Variants in NEGR1 observed in about 807,000 individuals in gnomAD.
The protein encoded by NEGR1 is IgLON family member 4.
In NEGR1, 10 loss-of-function variants were observed where a neutral mutation model predicts 40.9. That is an observed-to-expected ratio of 0.24 (90% CI 0.15 to 0.42). The LOEUF (loss-of-function observed/expected upper bound fraction) is 0.42. Among genes scored for constraint, NEGR1 ranks in the 10% least tolerant of loss-of-function variants. The probability of loss-of-function intolerance (pLI) is 1.00; values close to 1 mark genes in which losing one functional copy is unlikely to be tolerated. For missense variants in NEGR1, 352 were observed against 438.9 expected (o/e 0.80, Z 1.77); for synonymous variants, 185 against 166.8 (o/e 1.11, Z -0.84).
At chr1:71,907,593 A>G (rs1486189299) in intron 2 of NEGR1, among the ~76,000 whole-genome samples, 1 of 152,136 alleles carries the variant, frequency 6.6e-6, no homozygotes, top group Non-Finnish European at 1.5e-5. Flanking sequence ...TGTGGAAAGC[A>G]CTTTGGAAAT....
intron 1 of NEGR1, among the ~76,000 whole-genome samples, chr1:72,064,169 T>C (rs530174996): frequency 5.3e-4 from 80 of 152,074 alleles, no homozygotes; most frequent in Admixed American, 9.2e-4. Flanking sequence ...TGATGGGTAA[T>C]TAGGTCTGTG....
At chr1:71,798,908 T>C (rs1462490122) in intron 2 of NEGR1, among the ~76,000 whole-genome samples, 3 of 152,282 alleles carry the variant, frequency 2.0e-5, no homozygotes, top group South Asian at 4.1e-4. Context: ...GTAAACAGTT[T>C]ATATAAGTAG....
rs141758224 is a variant in NEGR1 at position 71,868,848 on chromosome 1, C to A, written c.409+66231G>T. ...TCTCTCTCCCCTTCCCACTTCCCAC[C>A]TTCTCCCTCTCACCACTTTCCCCTC... is the stretch of plus-strand genomic sequence containing the variant. On this transcript the variant is annotated intron_variant, in intron 2 of 6. Coordinates refer to ENST00000357731, the MANE Select transcript of NEGR1 (RefSeq NM_173808.3). Among the ~76,000 whole-genome samples the A allele has an allele frequency of 1.4e-3, 214 of 152,122 alleles. 1 individual carries two copies. In the Middle Eastern group the frequency reaches 0.017, roughly 12 times the overall value.
At chr1:71,924,725 G>C (rs1336951518) in intron 2 of NEGR1, among the ~76,000 whole-genome samples, 1 of 152,094 alleles carries the variant, frequency 6.6e-6, no homozygotes, top group Non-Finnish European at 1.5e-5. Context: ...AACATTGCTA[G>C]GGTAGAATAT....
chr1:72,252,894 T>G (rs1165673757), intron 1 of NEGR1, among the ~76,000 whole-genome samples: 1 of 152,222 alleles, frequency 6.6e-6, no homozygotes, highest in African/African-American at 2.4e-5. Context: ...TTTCGAAGTT[T>G]AGAAAGCAAT....
At chr1:72,107,928 G>T (rs1309188734) in intron 1 of NEGR1, among the ~76,000 whole-genome samples, 1 of 151,272 alleles carries the variant, frequency 6.6e-6, no homozygotes, top group Admixed American at 6.6e-5. Context: ...AAAACATTTG[G>T]CTAAGCCTTT....
At chr1:71,469,586 T>C (rs1451354275) in intron 6 of NEGR1, among the ~76,000 whole-genome samples, 2 of 152,060 alleles carry the variant, frequency 1.3e-5, no homozygotes, top group Admixed American at 6.6e-5. Flanking sequence ...GAAGCACTTA[T>C]ATCATCTCAG....
chr1:72,000,642 GT>G (rs1393268241), intron 1 of NEGR1, among the ~76,000 whole-genome samples: 1 of 152,098 alleles, frequency 6.6e-6, no homozygotes, highest in Non-Finnish European at 1.5e-5. Flanking sequence ...TGTAAATGCA[GT>G]TTATTAATTC....
chr1:71,551,438 A>G (rs1171722211), intron 6 of NEGR1, among the ~76,000 whole-genome samples: 1 of 151,616 alleles, frequency 6.6e-6, no homozygotes, highest in East Asian at 2.0e-4. Flanking sequence ...ATATGTACAC[A>G]AAAAATTTAA....
At chr1:72,014,833 T>C (rs1014193810) in intron 1 of NEGR1, among the ~76,000 whole-genome samples, 1 of 151,966 alleles carries the variant, frequency 6.6e-6, no homozygotes, top group African/African-American at 2.4e-5. Context: ...CAAACAAAGA[T>C]GGTCTTCAAT....
chr1:72,127,648 ATG>A (rs1650081884), intron 1 of NEGR1, among the ~76,000 whole-genome samples: 1 of 152,036 alleles, frequency 6.6e-6, no homozygotes, highest in South Asian at 2.1e-4. Context: ...CCTTAAACAT[ATG>A]TGTTTTATTT....
Position 71,396,104 on chromosome 1 carries a change from T to A in NEGR1, c.*11342A>T, listed in dbSNP as rs1646209915. The A allele has an allele frequency of 6.6e-6, 1 of 152,086 alleles. No individual in the cohort carries two copies. 9.4% of individuals were successfully genotyped at this position (152,086 alleles called of 1,614,324 possible). A position where few individuals can be genotyped will look rare whatever the true frequency, so the allele number is the denominator to read the frequency against. ...ACACCGACACACACAAAAGAGCCTT[T>A]CTTAGGAGAAAATATACATTAATCT... On this transcript the variant is annotated 3_prime_UTR_variant, in exon 7 of 7. Transcript: ENST00000357731.
intron 6 of NEGR1, among the ~76,000 whole-genome samples, chr1:71,531,068 T>A (rs901302061): frequency 4.0e-5 from 6 of 151,028 alleles, no homozygotes; most frequent in Non-Finnish European, 1.5e-5. Flanking sequence ...ATGGAAACTC[T>A]GAGTATAGAG....
chr1:71,507,193 C>T (rs548676770), intron 6 of NEGR1, among the ~76,000 whole-genome samples: 83 of 152,300 alleles, frequency 5.4e-4, no homozygotes, highest in Middle Eastern at 3.4e-3. Context: ...GCAAATAAAG[C>T]TGCTAAGCAA....
At chr1:71,961,849 C>T (rs1449569187) in intron 1 of NEGR1, among the ~76,000 whole-genome samples, 2 of 151,972 alleles carry the variant, frequency 1.3e-5, no homozygotes, top group Non-Finnish European at 2.9e-5. Flanking sequence ...TTTGAAATTC[C>T]ATTTTTCCAC....
At chr1:71,643,197 C>T (rs1326536512) in intron 4 of NEGR1, among the ~76,000 whole-genome samples, 3 of 151,946 alleles carry the variant, frequency 2.0e-5, no homozygotes, top group Admixed American at 6.6e-5. Flanking sequence ...CCTGACCTGA[C>T]TTTTTTCCAT....
intron 1 of NEGR1, among the ~76,000 whole-genome samples, chr1:72,048,353 GTCT>G: frequency 6.6e-6 from 1 of 150,932 alleles, no homozygotes; most frequent in East Asian, 2.0e-4. Context: ...GAAAGCTGAA[GTCT>G]CTACTAAATA....
intron 6 of NEGR1, among the ~76,000 whole-genome samples, chr1:71,483,345 G>T (rs1306610001): frequency 6.6e-6 from 1 of 151,760 alleles, no homozygotes; most frequent in Non-Finnish European, 1.5e-5. Context: ...TCTGAGGAAA[G>T]GAATGACATA....
chr1:72,240,212 T>C (rs530925536), intron 1 of NEGR1, among the ~76,000 whole-genome samples: 1 of 151,888 alleles, frequency 6.6e-6, no homozygotes, highest in South Asian at 2.1e-4. Context: ...ACAACTTGGG[T>C]TAAGAAGGGA....
Sources: gnomAD v4.1 joint callset for allele counts (sites outside exome capture counted in the v4.1 genomes callset) on GRCh38, gnomAD v4.1.1 for gene constraint, MANE v1.5 for transcripts, NCBI Gene and HGNC (gene_info 2026-07-23, HGNC 2026-07-21) for gene names.